Variants in NSFL1C observed in about 807,000 individuals in gnomAD.
NSFL1C encodes NSFL1 cofactor p47.
NSFL1C carries 14 observed loss-of-function variants against 43.1 expected under a neutral mutation model. The ratio of observed to expected loss-of-function variants is 0.32; its 90% CI spans 0.21 to 0.51. The LOEUF is 0.51. Ranked by LOEUF, NSFL1C falls within the 20% of genes least tolerant of loss-of-function variation. The probability of loss-of-function intolerance (pLI) is 0.98; values close to 1 mark genes in which losing one functional copy is unlikely to be tolerated. For synonymous variants in NSFL1C, 171 were observed against 183.5 expected (o/e 0.93, Z 0.55); for missense variants, 406 against 472.5 (o/e 0.86, Z 1.30).
intron 6 of NSFL1C, 58 bp from the exon 7 acceptor site, chr20:1,452,688 G>A: frequency 1.9e-6 from 3 of 1,599,738 alleles, no homozygotes; most frequent in Non-Finnish European, 1.7e-6. Context: ...TGACAGTGAT[G>A]GGAAAAGGGG....
chr20:1,452,683 G>C, intron 6 of NSFL1C, 53 bp from the exon 7 acceptor site: 3 of 1,605,992 alleles, frequency 1.9e-6, no homozygotes, highest in Non-Finnish European at 2.6e-6. Context: ...GGAAATGACA[G>C]TGATGGGAAA....
rs913099888 is a variant in NSFL1C at position 1,454,456 on chromosome 20, AT to A, written c.445-152del. The A allele has an allele frequency of 1.6e-5, 10 of 618,790 alleles. No homozygotes were observed. The African/African-American group carries it at 1.7e-4, about 10-fold the overall frequency. The allele number at this position is 618,790 out of a possible 1,614,324, so 38.3% of individuals were successfully genotyped here. A position where few individuals can be genotyped will look rare whatever the true frequency, so the allele number is the denominator to read the frequency against. On this transcript the variant is annotated intron_variant, in intron 4 of 8. Transcript: ENST00000216879. ...AGCTACTAGATGCACTTTCTCTGAT[AT>A]CAGACTCAGTGCCTACATGCCCAGG...
rs989325700 is a variant in NSFL1C, at chr20:1,443,173, T to C, written c.*576A>G. ...TAAAAGGAGCACAGGGAAATATTTA[T>C]TTTCACCTTCTGAAGACACTGTGTG... On this transcript the variant is annotated 3_prime_UTR_variant, in exon 9 of 9. Transcript: ENST00000216879. 5 of 152,396 alleles carry C rather than the reference T, an allele frequency of 3.3e-5. No homozygotes were observed. Among genetic ancestry groups the C allele is most frequent in the Non-Finnish European group, 5.9e-5 (4 of 68,184 alleles). 9.4% of individuals were successfully genotyped at this position (152,396 alleles called of 1,614,324 possible). A position where few individuals can be genotyped will look rare whatever the true frequency, so the allele number is the denominator to read the frequency against.
chr20:1,457,760 C>A (rs1205275049), intron 3 of NSFL1C, among the ~76,000 whole-genome samples: 2 of 152,180 alleles, frequency 1.3e-5, no homozygotes, highest in African/African-American at 4.8e-5. Context: ...CAATTTCCTT[C>A]TTTTTAAAGA....
At chr20:1,446,219 G>A (rs2090057306) in intron 7 of NSFL1C, 2 of 288,726 alleles carry the variant, frequency 6.9e-6, no homozygotes, top group African/African-American at 2.2e-5. Context: ...AGCCTCAATG[G>A]AGTGGTGGAG....
At chr20:1,460,846 GAAGTTTA>G (rs1221205300) in intron 2 of NSFL1C, among the ~76,000 whole-genome samples, 1 of 152,214 alleles carries the variant, frequency 6.6e-6, no homozygotes, top group African/African-American at 2.4e-5. Context: ...GTAGTTCCCG[GAAGTTTA>G]AAGTACAACT....
chr20:1,452,581 A>C lies in NSFL1C; in HGVS notation c.697T>G (p.Leu233Val). ...TCGTCCCGATGGTCCTCCATATCCA[A>C]GTTCACCTGTCCACCGTGAGCTAGC... Reference protein sequence around the residue: ...RRLAHGGQVNLDMEDHRDEDF... With the variant: ...RRLAHGGQVNVDMEDHRDEDF... The change falls in exon 7 of 9, where the codon TTG (leucine) becomes GTG (valine). Residue 233 changes from leucine (L) to valine (V), a missense_variant. By Grantham distance (32) the Leu-to-Val change is conservative (BLOSUM62 1). Transcript: ENST00000216879. 6.2e-7 allele frequency: 1 copy of C among 1,614,134 alleles called. No individual in the cohort carries two copies. The highest frequency in any genetic ancestry group is 8.5e-7 in the Non-Finnish European group (1 of 1,180,012).
At chr20:1,447,368 A>C (rs1417272263) in intron 7 of NSFL1C, among the ~76,000 whole-genome samples, 1 of 152,100 alleles carries the variant, frequency 6.6e-6, no homozygotes, top group Non-Finnish European at 1.5e-5. Flanking sequence ...TATGCGACCC[A>C]GGACAGTTTT....
intron 2 of NSFL1C, among the ~76,000 whole-genome samples, chr20:1,462,863 ATAGAG>A (rs1388314459): frequency 6.6e-6 from 1 of 152,202 alleles, no homozygotes; most frequent in Non-Finnish European, 1.5e-5. Context: ...TTGTTGGGGA[ATAGAG>A]TAAACAAAAC....
rs528688118 is a variant in NSFL1C at position 1,458,259 on chromosome 20, T to C, written c.219A>G (p.Thr73=). The C allele has an allele frequency of 3.6e-5, 58 of 1,613,678 alleles. No individual in the cohort carries two copies. Among genetic ancestry groups the C allele is most frequent in the Non-Finnish European group, 4.8e-5 (57 of 1,179,700 alleles). ...GGTCATGAATGAGGTCTCTGAAGGA[T>C]GTCACTCTATTATCACTGGAGACAC... is the stretch of plus-strand genomic sequence containing the variant. The part of the protein sequence containing the change: ...RGTAPSDNRV[T]SFRDLIHDQD... The change falls in exon 3 of 9, where the codon ACA becomes ACG. Residue 73 remains threonine, a synonymous_variant. Coordinates refer to ENST00000216879, the MANE Select transcript of NSFL1C (RefSeq NM_016143.5).
intron 5 of NSFL1C, among the ~76,000 whole-genome samples, chr20:1,453,385 T>C (rs991838971): frequency 5.3e-5 from 8 of 152,206 alleles, no homozygotes; most frequent in African/African-American, 1.9e-4. Flanking sequence ...TGAGGTTGCA[T>C]CTTGACTGTG....
rs190246569 is a variant in NSFL1C at position 1,450,445 on chromosome 20, G to A, written c.785+2048C>T. ...TTGATAAACATCATGGTGATATCAA[G>A]TTCTATCTTGTGCTCATTCTCCACA... On this transcript the variant is annotated intron_variant, in intron 7 of 8. Coordinates refer to ENST00000216879, the MANE Select transcript of NSFL1C (RefSeq NM_016143.5). Among the ~76,000 whole-genome samples the A allele has an allele frequency of 1.7e-3, 266 of 152,218 alleles. 1 individual carries two copies. Among genetic ancestry groups the A allele is most frequent in the Non-Finnish European group, 3.4e-3 (233 of 68,012 alleles).
At chr20:1,454,120 G>T in intron 5 of NSFL1C, 93 bp downstream of exon 5, 1 of 947,714 alleles carries the variant, frequency 1.1e-6, no homozygotes, top group Non-Finnish European at 1.7e-6. Context: ...CCTTTCAGAG[G>T]CTGCTGGTTA....
intron 5 of NSFL1C, 54 bp from the exon 6 acceptor site, chr20:1,453,194 G>GC: frequency 2.9e-6 from 3 of 1,024,852 alleles, no homozygotes; most frequent in Non-Finnish European, 4.6e-6. Flanking sequence ...ATACCAATTT[G>GC]AACTTGCAAA....
At position 1,464,486 on chromosome 20, in the gene NSFL1C, C is replaced by T. The variant is rs1264253090; in HGVS notation, c.106-60G>A. ...ACAGGCCTTCACCTAACGCACATCT[C>T]CTTTGAGCACAAAGGAATACAGACA... On this transcript the variant is annotated intron_variant, in intron 1 of 8. Coordinates refer to ENST00000216879, the MANE Select transcript of NSFL1C (RefSeq NM_016143.5). 38 of 1,372,310 alleles carry T rather than the reference C, an allele frequency of 2.8e-5. No individual in the cohort carries two copies. In the Admixed American group the frequency reaches 5.9e-4, roughly 21 times the overall value. The allele number at this position is 1,372,310 out of a possible 1,614,324, so 85.0% of individuals were successfully genotyped here.
intron 1 of NSFL1C, 45 bp downstream of exon 1, chr20:1,466,675 C>A: frequency 6.6e-7 from 1 of 1,509,100 alleles, no homozygotes; most frequent in Non-Finnish European, 8.9e-7. Context: ...CGCCCGCTCC[C>A]AGCAGTCCCC....
Position 1,443,803 on chromosome 20 carries a change from C to T in NSFL1C, c.1059G>A (p.Gln353=). The stretch of plus-strand genomic sequence containing the variant: ...TGAGCAGGTTGGCTTCCTTCAGGGT[C>T]TGGCTCTCATCAGCCAGCTCTTTGT... The part of the protein sequence containing the change: ...FPNKELADES[Q]TLKEANLLNA... The change falls in exon 9 of 9, where the codon CAG becomes CAA. Residue 353 remains glutamine (Q), a synonymous_variant. Coordinates refer to ENST00000216879, the MANE Select transcript of NSFL1C (RefSeq NM_016143.5). The T allele has an allele frequency of 6.2e-7, 1 of 1,614,170 alleles. No individual in the cohort carries two copies. The highest frequency in any genetic ancestry group is 8.5e-7 in the Non-Finnish European group (1 of 1,180,030).
chr20:1,463,120 C>A lies in NSFL1C; in HGVS notation c.203+1209G>T, dbSNP rs551713944. On this transcript the variant is annotated intron_variant, in intron 2 of 8. Coordinates refer to ENST00000216879, the MANE Select transcript of NSFL1C (RefSeq NM_016143.5). ...GAACCAACGCAGTCAGGCTCCTGGG[C>A]CCATGCTAATAAACCACTGCCTTAA... Among the ~76,000 whole-genome samples, 228 of 152,228 alleles carry A rather than the reference C, an allele frequency of 1.5e-3. 1 individual carries two copies. Among genetic ancestry groups the A allele is most frequent in the Middle Eastern group, 6.8e-3 (2 of 294 alleles).
intron 2 of NSFL1C, among the ~76,000 whole-genome samples, chr20:1,460,610 G>T (rs2090390241): frequency 6.6e-6 from 1 of 152,174 alleles, no homozygotes; most frequent in Non-Finnish European, 1.5e-5. Flanking sequence ...TCCTTCATCA[G>T]ATGACATTTT....
Sources: allele counts gnomAD v4.1 joint callset (sites outside exome capture counted in the v4.1 genomes callset), GRCh38; gene constraint gnomAD v4.1.1; transcripts MANE v1.5; gene names NCBI Gene and HGNC (gene_info 2026-07-23, HGNC 2026-07-21).